Variants in BAIAP2 observed in about 807,000 individuals in gnomAD.
The protein encoded by BAIAP2 is BAR/IMD domain-containing adapter protein 2.
In BAIAP2, 18 loss-of-function variants were observed where a neutral mutation model predicts 63.0. The observed-to-expected ratio is 0.29, with a 90% CI of 0.20 to 0.42. BAIAP2 has a LOEUF of 0.42. Ranked by LOEUF, BAIAP2 falls within the 10% of genes least tolerant of loss-of-function variation. The pLI, the probability that BAIAP2 is intolerant of heterozygous loss-of-function variation, is 1.00. For synonymous variants in BAIAP2, 386 were observed against 307.6 expected (o/e 1.25, Z -2.67); for missense variants, 610 against 734.3 (o/e 0.83, Z 1.96).
intron 1 of BAIAP2, 89 bp downstream of exon 1, chr17:81,035,397 C>A (rs1598456840): frequency 1.3e-6 from 1 of 782,976 alleles, no homozygotes; most frequent in Non-Finnish European, 1.6e-6. Flanking sequence ...CAGGGCGGCC[C>A]CGGGGCCGCG....
At chr17:81,037,896 G>A (rs947611119) in intron 1 of BAIAP2, among the ~76,000 whole-genome samples, 15 of 152,244 alleles carry the variant, frequency 9.9e-5, no homozygotes, top group African/African-American at 3.1e-4. Context: ...TTTCTTCCCC[G>A]TAAGAATCCG....
chr17:81,106,228 T>C lies in BAIAP2; in HGVS notation c.1337+82T>C. 4 of 1,424,822 alleles carry C rather than the reference T, an allele frequency of 2.8e-6. No homozygotes were observed. In the South Asian group the frequency reaches 5.0e-5, roughly 18 times the overall value. 88.3% of individuals were successfully genotyped at this position (1,424,822 alleles called of 1,614,324 possible). ...TGACACCAGGTCCCTGGGCTTGGATTGCTCGGCTGGGCTTCCGGCTCCTTG... is the reference window on the plus strand; with the variant it reads ...TGACACCAGGTCCCTGGGCTTGGATCGCTCGGCTGGGCTTCCGGCTCCTTG... On this transcript the variant is annotated intron_variant, in intron 11 of 13. Coordinates refer to ENST00000428708, the MANE Select transcript of BAIAP2 (RefSeq NM_001144888.2).
chr17:81,096,214 G>C (rs2057586233), intron 6 of BAIAP2, among the ~76,000 whole-genome samples: 1 of 152,200 alleles, frequency 6.6e-6, no homozygotes, highest in Admixed American at 6.5e-5. Context: ...AGTTTCTTTT[G>C]CCAGGCGTTG....
At chr17:81,062,912 T>C (rs972199186) in intron 3 of BAIAP2, among the ~76,000 whole-genome samples, 9 of 132,480 alleles carry the variant, frequency 6.8e-5, no homozygotes, top group African/African-American at 2.2e-4. Context: ...GAGTGTTACT[T>C]CCCCCCCGCC....
chr17:81,101,599 C>A (rs2058489831), intron 7 of BAIAP2, among the ~76,000 whole-genome samples: 1 of 151,914 alleles, frequency 6.6e-6, no homozygotes, highest in Non-Finnish European at 1.5e-5. Context: ...ACTTGTTCCC[C>A]CCACCCACCA....
In BAIAP2 at chr17:81,108,356, G is replaced by A. The variant is rs112959047; in HGVS notation, c.1501-119G>A. 5.4e-5 allele frequency: 63 copies of A among 1,156,996 alleles called. 1 individual carries two copies. In the African/African-American group the frequency reaches 5.7e-4, roughly 10 times the overall value. 71.7% of individuals were successfully genotyped at this position (1,156,996 alleles called of 1,614,324 possible). ...GCCAGGAGATGGGGAGCCTTCCAAA[G>A]GAACACGGTTTGAACCTTGTCCAGG... On this transcript the variant is annotated intron_variant, in intron 12 of 13. Coordinates refer to ENST00000428708, the MANE Select transcript of BAIAP2 (RefSeq NM_001144888.2).
At chr17:81,072,526 C>T (rs573911084) in intron 3 of BAIAP2, among the ~76,000 whole-genome samples, 7 of 152,322 alleles carry the variant, frequency 4.6e-5, no homozygotes, top group East Asian at 3.9e-4. Flanking sequence ...GCCTCACAGC[C>T]GTCTCCACGT....
chr17:81,076,014 C>T (rs1598652834), intron 3 of BAIAP2, among the ~76,000 whole-genome samples: 1 of 151,932 alleles, frequency 6.6e-6, no homozygotes, highest in East Asian at 1.9e-4. Context: ...CCGGGTGTTC[C>T]CTCTTGCTAG....
At chr17:81,085,549 G>A (rs753905450) in intron 4 of BAIAP2, 105 bp from the exon 5 acceptor site, 23 of 941,960 alleles carry the variant, frequency 2.4e-5, no homozygotes, top group South Asian at 2.1e-4. Flanking sequence ...CTGCACAGCC[G>A]GGACACCCGG....
chr17:81,114,671 G>C lies in BAIAP2; in HGVS notation c.1536-1099G>C, dbSNP rs116698756. ...CAGTCTGTAGTGTTTCAAGTTCTTAGAAAACACAAAGTCCTCAGGAAAGCT... is the reference window on the plus strand; with the variant it reads ...CAGTCTGTAGTGTTTCAAGTTCTTACAAAACACAAAGTCCTCAGGAAAGCT... On this transcript the variant is annotated intron_variant, in intron 13 of 13. Transcript: ENST00000428708. Among the ~76,000 whole-genome samples, 371 of 152,328 alleles carry C rather than the reference G, an allele frequency of 2.4e-3. 3 individuals carry two copies. The highest frequency in any genetic ancestry group is 8.4e-3 in the African/African-American group (348 of 41,588).
intron 3 of BAIAP2, among the ~76,000 whole-genome samples, chr17:81,070,741 C>G (rs1326206279): frequency 1.3e-5 from 2 of 152,190 alleles, no homozygotes; most frequent in African/African-American, 4.8e-5. Flanking sequence ...ACTCCAGCCA[C>G]CCCGGGTGGA....
rs535781118 is a variant in BAIAP2, at chr17:81,084,115, C to T, written c.218-717C>T. Among the ~76,000 whole-genome samples the T allele has an allele frequency of 3.9e-5, 6 of 152,326 alleles. No homozygotes were observed. In the East Asian group the frequency reaches 5.8e-4, roughly 15 times the overall value. ...GATTTCTTAATCTGCATTTTGCACACGGGCCGAGGAGACATCAGTGTCCCC... is the reference window on the plus strand; with the variant it reads ...GATTTCTTAATCTGCATTTTGCACATGGGCCGAGGAGACATCAGTGTCCCC... On this transcript the variant is annotated intron_variant, in intron 3 of 13. Coordinates refer to ENST00000428708, the MANE Select transcript of BAIAP2 (RefSeq NM_001144888.2).
At chr17:81,087,546 T>A (rs1427443415) in intron 6 of BAIAP2, 2 of 152,250 alleles carry the variant, frequency 1.3e-5, no homozygotes, top group Non-Finnish European at 2.9e-5. Context: ...GCCCACACCC[T>A]GCAGACCAAG....
At position 81,068,818 on chromosome 17, in the gene BAIAP2, T is replaced by C. The variant is rs112375804; in HGVS notation, c.217+10851T>C. Among the ~76,000 whole-genome samples, 1,126 of 152,222 alleles carry C rather than the reference T, an allele frequency of 7.4e-3. 18 individuals carry two copies. Among genetic ancestry groups the C allele is most frequent in the African/African-American group, 0.026 (1,088 of 41,546 alleles). ...GGGGGGCCATATCTGGTTGCCAGTG[T>C]CTCTGTCCAGCCTTGCGTTCCTGGC... On this transcript the variant is annotated intron_variant, in intron 3 of 13. Transcript: ENST00000428708.
chr17:81,080,344 G>T (rs2054388422), intron 3 of BAIAP2, among the ~76,000 whole-genome samples: 1 of 152,356 alleles, frequency 6.6e-6, no homozygotes, highest in South Asian at 2.1e-4. Context: ...AAAATTCAAG[G>T]CATGGGATGA....
rs558004170 is a variant in BAIAP2, at chr17:81,060,467, A to C, written c.217+2500A>C. The stretch of plus-strand genomic sequence containing the variant: ...TACGGTGTGTGACCTTCTGTGTCTG[A>C]CCCTTTTCCCTGAGCACATGTTTAC... On this transcript the variant is annotated intron_variant, in intron 3 of 13. Coordinates refer to ENST00000428708, the MANE Select transcript of BAIAP2 (RefSeq NM_001144888.2). Among the ~76,000 whole-genome samples, 7 of 151,980 alleles carry C rather than the reference A, an allele frequency of 4.6e-5. No homozygotes were observed. In the East Asian group the frequency reaches 5.8e-4, roughly 13 times the overall value.
chr17:81,103,309 G>A (rs898188794), intron 7 of BAIAP2, among the ~76,000 whole-genome samples, 193 bp from the exon 8 acceptor site: 6 of 152,322 alleles, frequency 3.9e-5, no homozygotes, highest in South Asian at 4.1e-4. Flanking sequence ...GTCCATCCCC[G>A]GCCCTTTACC....
intron 1 of BAIAP2, among the ~76,000 whole-genome samples, chr17:81,041,502 T>C (rs2047068875): frequency 6.6e-6 from 1 of 152,260 alleles, no homozygotes; most frequent in Non-Finnish European, 1.5e-5. Context: ...TATTTTATAC[T>C]TACTGGAACA....
chr17:81,060,413 A>G (rs886444320), intron 3 of BAIAP2, among the ~76,000 whole-genome samples: 1 of 152,036 alleles, frequency 6.6e-6, no homozygotes, highest in East Asian at 1.9e-4. Context: ...GGACTGGCCC[A>G]TTCTAGACAT....
Sources: allele counts gnomAD v4.1 joint callset (sites outside exome capture counted in the v4.1 genomes callset), GRCh38; gene constraint gnomAD v4.1.1; transcripts MANE v1.5; gene names NCBI Gene and HGNC (gene_info 2026-07-23, HGNC 2026-07-21).